The following AIG1 variants were observed in gnomAD, a reference collection of about 807,000 sequenced individuals.
AIG1 encodes the protein androgen-induced gene 1 protein.
In AIG1, 23 loss-of-function variants were observed where a neutral mutation model predicts 31.4. That is an observed-to-expected ratio of 0.73 (90% CI 0.53 to 1.04). The LOEUF (loss-of-function observed/expected upper bound fraction) is 1.04. Among genes scored for constraint, AIG1 ranks in the 50% least tolerant of loss-of-function variants. The pLI is 0.00. For synonymous variants in AIG1, 100 were observed against 110.5 expected, an observed-to-expected ratio of 0.90 and a Z score of 0.60; for missense variants, 274 against 295.0, an observed-to-expected ratio of 0.93 and a Z score of 0.52.
intron 1 of AIG1, among the ~76,000 whole-genome samples, chr6:143,111,775 T>C (rs1243747436): frequency 1.3e-5 from 2 of 152,184 alleles, no homozygotes; most frequent in African/African-American, 4.8e-5. Flanking sequence ...CTGGAAGTGG[T>C]TATTGACTAT....
At chr6:143,309,770 A>G (rs1296543070) in intron 4 of AIG1, among the ~76,000 whole-genome samples, 2 of 152,050 alleles carry the variant, frequency 1.3e-5, no homozygotes, top group East Asian at 3.8e-4. Context: ...CACTTTAAAC[A>G]TAAAGACACA....
chr6:143,206,734 A>T (rs990521588), intron 3 of AIG1, among the ~76,000 whole-genome samples: 9 of 152,200 alleles, frequency 5.9e-5, no homozygotes, highest in Non-Finnish European at 1.5e-5. Flanking sequence ...TCTGTAACCA[A>T]ATTTTATGAG....
intron 4 of AIG1, among the ~76,000 whole-genome samples, chr6:143,332,636 T>G (rs1238704640): frequency 6.6e-6 from 1 of 152,230 alleles, no homozygotes; most frequent in Non-Finnish European, 1.5e-5. Context: ...TATGGCAAGG[T>G]ATCTGGCACA....
At chr6:143,061,205 C>A in intron 1 of AIG1, 139 bp downstream of exon 1, 1 of 1,060,698 alleles carries the variant, frequency 9.4e-7, no homozygotes, top group Non-Finnish European at 1.4e-6. Context: ...GTCCTCGCCT[C>A]TTCCCCAGTG....
At chr6:143,180,317 A>G (rs567939723) in intron 3 of AIG1, among the ~76,000 whole-genome samples, 1 of 152,346 alleles carries the variant, frequency 6.6e-6, no homozygotes, top group African/African-American at 2.4e-5. Context: ...AAGGTTGGAA[A>G]TGGCATATTT....
At chr6:143,111,202 C>A (rs978464298) in intron 1 of AIG1, among the ~76,000 whole-genome samples, 1 of 152,070 alleles carries the variant, frequency 6.6e-6, no homozygotes, top group Admixed American at 6.5e-5. Context: ...AAAGAATATT[C>A]CTTCTTGCTG....
chr6:143,122,681 A>T (rs1375725359), intron 1 of AIG1, among the ~76,000 whole-genome samples: 2 of 152,154 alleles, frequency 1.3e-5, no homozygotes, highest in Non-Finnish European at 2.9e-5. Context: ...TTAGTTCTTC[A>T]TAGTGTTTTT....
chr6:143,171,420 A>T (rs1395524101), intron 3 of AIG1, among the ~76,000 whole-genome samples: 3 of 108,256 alleles, frequency 2.8e-5, no homozygotes, highest in African/African-American at 7.5e-5. Context: ...GTATATATAT[A>T]TAATATATAT....
At chr6:143,060,078 T>C (rs1028547370), upstream of AIG1, among the ~76,000 whole-genome samples, 8 of 152,356 alleles carry the variant, frequency 5.3e-5, no homozygotes, top group South Asian at 6.2e-4. Context: ...TGCAATCTTG[T>C]GGCAGAAAGT....
At chr6:143,119,951 T>C (rs1046180305) in intron 1 of AIG1, among the ~76,000 whole-genome samples, 1 of 152,176 alleles carries the variant, frequency 6.6e-6, no homozygotes, top group African/African-American at 2.4e-5. Flanking sequence ...ATTTTTGAGA[T>C]GGAGTTTCGC....
In AIG1 at chr6:143,293,929, C is replaced by T. The variant is rs1265765536; in HGVS notation, c.515+9704C>T. On this transcript the variant is annotated intron_variant, in intron 4 of 5. Coordinates refer to ENST00000357847, the MANE Select transcript of AIG1 (RefSeq NM_016108.4). This position sits in a 1 kb window ranked among gnomAD's most constrained non-coding sequence, Gnocchi z 4.8. ...GCCATCTCTATCCACTCCCCTCCAC[C>T]TCCACCTCACTCTCCCAGTCCTCCC... Among the ~76,000 whole-genome samples, 1 of 152,148 alleles carries T rather than the reference C, an allele frequency of 6.6e-6. No individual in the cohort carries two copies. The highest frequency in any genetic ancestry group is 1.5e-5 in the Non-Finnish European group (1 of 68,030).
intron 3 of AIG1, among the ~76,000 whole-genome samples, chr6:143,192,042 T>G (rs1789834823): frequency 6.6e-6 from 1 of 152,212 alleles, no homozygotes; most frequent in Non-Finnish European, 1.5e-5. Context: ...GTTGAAAACT[T>G]GTAGATGTAA....
rs551086234 is a variant in AIG1, at chr6:143,284,968, A to G, written c.515+743A>G. ...AGTCCTCTTTGACATATTAACACGC[A>G]CAGAGGAGGTCCCTCCTGCCAGCAT... On this transcript the variant is annotated intron_variant, in intron 4 of 5. Coordinates refer to ENST00000357847, the MANE Select transcript of AIG1 (RefSeq NM_016108.4). This position sits in a 1 kb window ranked among gnomAD's most constrained non-coding sequence, Gnocchi z 4.4. Among the ~76,000 whole-genome samples, 23 of 152,188 alleles carry G rather than the reference A, an allele frequency of 1.5e-4. No homozygotes were observed. Among genetic ancestry groups the G allele is most frequent in the African/African-American group, 4.1e-4 (17 of 41,528 alleles).
At chr6:143,074,999 A>C (rs1180957285) in intron 1 of AIG1, among the ~76,000 whole-genome samples, 1 of 152,226 alleles carries the variant, frequency 6.6e-6, no homozygotes, top group Non-Finnish European at 1.5e-5. Flanking sequence ...TTTTATTCAC[A>C]AATTCTATTT....
chr6:143,170,760 A>G (rs952310253), intron 3 of AIG1, among the ~76,000 whole-genome samples: 7 of 151,776 alleles, frequency 4.6e-5, no homozygotes, highest in African/African-American at 1.7e-4. Flanking sequence ...TTAGTACTTC[A>G]TTAACTTTAA....
At chr6:143,342,551 ATTT>A (rs1318272508), downstream of AIG1, 1 of 868,512 alleles carries the variant, frequency 1.2e-6, no homozygotes, top group Non-Finnish European at 2.0e-6. Flanking sequence ...TAAAACCTTT[ATTT>A]TTTTACTGTT....
intron 4 of AIG1, among the ~76,000 whole-genome samples, chr6:143,315,583 T>C: frequency 6.6e-6 from 1 of 152,112 alleles, no homozygotes; most frequent in East Asian, 1.9e-4. Flanking sequence ...GGACATCTTT[T>C]TAACAAATGG....
intron 2 of AIG1, among the ~76,000 whole-genome samples, chr6:143,155,999 G>A (rs1055195560): frequency 2.0e-5 from 3 of 152,164 alleles, no homozygotes; most frequent in African/African-American, 7.2e-5. Context: ...GTCCAGGATA[G>A]GGACATTAGA....
At chr6:143,144,716 C>T (rs1321158517) in intron 2 of AIG1, among the ~76,000 whole-genome samples, 1 of 152,232 alleles carries the variant, frequency 6.6e-6, no homozygotes, top group East Asian at 1.9e-4. Flanking sequence ...ATTAGCCTCT[C>T]ATTATTCTCT....
Sources: gnomAD v4.1 joint callset for allele counts (sites outside exome capture counted in the v4.1 genomes callset) on GRCh38, gnomAD v4.1.1 for gene constraint, Gnocchi (gnomAD v3.1) non-coding constraint, MANE v1.5 for transcripts, NCBI Gene and HGNC (gene_info 2026-07-23, HGNC 2026-07-21) for gene names.